Variants in ACOX3 observed in about 807,000 individuals in gnomAD.
ACOX3 encodes the protein peroxisomal acyl-coenzyme A oxidase 3.
A neutral mutation model predicts 81.5 loss-of-function variants in ACOX3; 73 were observed. That is an observed-to-expected ratio of 0.90 (90% confidence interval 0.74 to 1.09). ACOX3 has a LOEUF of 1.09. Ranked by LOEUF, ACOX3 falls within the 50% of genes least tolerant of loss-of-function variation. ACOX3 has a pLI of 0.00. For missense variants in ACOX3, 947 were observed against 928.0 expected (o/e 1.02, Z -0.27); for synonymous variants, 387 against 375.1 (o/e 1.03, Z -0.37).
Position 8,368,632 on chromosome 4 carries a change from C to T in ACOX3, c.1984-1552G>A, listed in dbSNP as rs1413117319. Among the ~76,000 whole-genome samples the T allele has an allele frequency of 6.6e-6, 1 of 152,144 alleles. No individual in the cohort carries two copies. The highest frequency in any genetic ancestry group is 1.5e-5 in the Non-Finnish European group (1 of 68,038). ...GCAGCGGGCTTGATTTAAGGATGGT[C>T]TCAACTCCCCTGCAGCTCTGTTTGT... On this transcript the variant is annotated intron_variant, in intron 17 of 17. Transcript: ENST00000356406. This position sits in a 1 kb window ranked among gnomAD's most constrained non-coding sequence, Gnocchi z 5.9.
At chr4:8,402,959 G>A (rs7672913) in intron 7 of ACOX3, among the ~76,000 whole-genome samples, 7,802 of 152,302 alleles carry the variant, frequency 0.051, 326 homozygotes, top group African/African-American at 0.11. Flanking sequence ...AGAGCAGGCC[G>A]TTGAGTTCGG....
rs571409972 is a variant in ACOX3 at position 8,435,600 on chromosome 4, G to A, written c.-15+5048C>T. 2.0e-3 allele frequency among the ~76,000 whole-genome samples: 303 copies of A among 152,352 alleles called. 2 individuals carry two copies. Among genetic ancestry groups the A allele is most frequent in the African/African-American group, 6.8e-3 (283 of 41,578 alleles). On this transcript the variant is annotated intron_variant, in intron 1 of 17. Coordinates refer to ENST00000356406, the MANE Select transcript of ACOX3 (RefSeq NM_003501.3). Reference sequence around the variant, plus strand: ...TGGCCATGTATTTAAGGTGGTGACAGGGGTTGGAGGACAGCCAGTGGACCT... The same window carrying A: ...TGGCCATGTATTTAAGGTGGTGACAAGGGTTGGAGGACAGCCAGTGGACCT...
At chr4:8,356,578 C>G in the ACOX3 span, 2 of 456,734 alleles carry the variant, frequency 4.4e-6, no homozygotes, top group Non-Finnish European at 8.8e-6. Context: ...CACACGTACA[C>G]AGAGGAAGAA....
In ACOX3 at chr4:8,382,281, T is replaced by C. The variant is rs760218635; in HGVS notation, c.1538-674A>G. ...ACCCCCCTTCGTCCTCCCCTTCCCC[T>C]GGCAGTGGTGCCCACATCTGCGGGG... On this transcript the variant is annotated intron_variant, in intron 13 of 17. Transcript: ENST00000356406. The surrounding 1 kb of genome is among the most constrained non-coding windows in gnomAD (Gnocchi z 4.1). Among the ~76,000 whole-genome samples the C allele has an allele frequency of 9.2e-5, 14 of 152,204 alleles. No homozygotes were observed. Among genetic ancestry groups the C allele is most frequent in the Non-Finnish European group, 2.1e-4 (14 of 68,012 alleles).
At chr4:8,426,674 C>T (rs561697179) in intron 1 of ACOX3, among the ~76,000 whole-genome samples, 183 of 152,118 alleles carry the variant, frequency 1.2e-3, no homozygotes, top group African/African-American at 4.0e-3. Context: ...CTAAAGGAAA[C>T]CCCACTTTCA....
rs935652419 is a variant in ACOX3 at position 8,420,283 on chromosome 4, G to A, written c.-14-3748C>T. Among the ~76,000 whole-genome samples, 6 of 152,230 alleles carry A rather than the reference G, an allele frequency of 3.9e-5. No individual in the cohort carries two copies. In the East Asian group the frequency reaches 5.8e-4, roughly 15 times the overall value. ...AGGATTGTGAAGCCAGACTGTCTGG[G>A]TTCAAATCTCAATGTTACAGCTTTC... On this transcript the variant is annotated intron_variant, in intron 1 of 17. Transcript: ENST00000356406.
the ACOX3 span, chr4:8,357,543 G>C: frequency 3.3e-6 from 1 of 298,810 alleles, no homozygotes; most frequent in Non-Finnish European, 6.6e-6. Context: ...ATCAGAAAAC[G>C]GTGGCAGCAA....
rs1413471872 is a variant in ACOX3 at position 8,407,518 on chromosome 4, G to C, written c.688-1475C>G. On this transcript the variant is annotated intron_variant, in intron 6 of 17. Coordinates refer to ENST00000356406, the MANE Select transcript of ACOX3 (RefSeq NM_003501.3). This position sits in a 1 kb window ranked among gnomAD's most constrained non-coding sequence, Gnocchi z 4.6. ...TCAATTTCAGACCCCGGCCTCCAGA[G>C]TTGGGAGAATACGTTATGCTGTTTC... is the stretch of plus-strand genomic sequence containing the variant. Among the ~76,000 whole-genome samples the C allele has an allele frequency of 6.6e-6, 1 of 152,226 alleles. No individual in the cohort carries two copies. The highest frequency in any genetic ancestry group is 2.4e-5 in the African/African-American group (1 of 41,456).
At chr4:8,411,670 C>T (rs990990228) in intron 5 of ACOX3, among the ~76,000 whole-genome samples, 1 of 152,258 alleles carries the variant, frequency 6.6e-6, no homozygotes, top group African/African-American at 2.4e-5. Flanking sequence ...TTCCCACTGT[C>T]TCGACTGTCT....
chr4:8,427,145 T>G (rs1016582144), intron 1 of ACOX3, among the ~76,000 whole-genome samples: 1 of 152,002 alleles, frequency 6.6e-6, no homozygotes, highest in African/African-American at 2.4e-5. Flanking sequence ...ACCAATCAGG[T>G]AGTAAAGAGA....
downstream of ACOX3, among the ~76,000 whole-genome samples, chr4:8,361,425 C>CAAAAAAAAAAA (rs56251372): frequency 6.9e-3 from 270 of 39,038 alleles, 52 homozygotes; most frequent in African/African-American, 0.029. Flanking sequence ...GACTCTATCT[C>CAAAAAAAAAAA]AAAAAAAAAA....
Position 8,414,761 on chromosome 4 carries a change from G to C in ACOX3, c.453+93C>G. On this transcript the variant is annotated intron_variant, in intron 4 of 17. Transcript: ENST00000356406. This position sits in a 1 kb window ranked among gnomAD's most constrained non-coding sequence, Gnocchi z 6.1. ...AAACAAGAAGAGCATAAGCCCCCTGGGCACCCCCTTCTACAATCTTCTCTT... is the reference window on the plus strand; with the variant it reads ...AAACAAGAAGAGCATAAGCCCCCTGCGCACCCCCTTCTACAATCTTCTCTT... The C allele has an allele frequency of 7.8e-7, 1 of 1,289,136 alleles. No individual in the cohort carries two copies. The highest frequency in any genetic ancestry group is 1.1e-6 in the Non-Finnish European group (1 of 888,362). The allele number at this position is 1,289,136 out of a possible 1,614,324, so 79.9% of individuals were successfully genotyped here. A position where few individuals can be genotyped will look rare whatever the true frequency, so the allele number is the denominator to read the frequency against.
At chr4:8,374,925 C>A in intron 15 of ACOX3, 53 bp downstream of exon 15, 1 of 1,451,798 alleles carries the variant, frequency 6.9e-7, no homozygotes, top group East Asian at 2.5e-5. Flanking sequence ...CTAGATACAA[C>A]ACGGGGGCCC....
chr4:8,419,445 GA>G lies in ACOX3; in HGVS notation c.-14-2911del, dbSNP rs1722697873. Among the ~76,000 whole-genome samples, 2 of 149,334 alleles carry G rather than the reference GA, an allele frequency of 1.3e-5. No homozygotes were observed. The highest frequency in any genetic ancestry group is 3.0e-5 in the Non-Finnish European group (2 of 67,508). On this transcript the variant is annotated intron_variant, in intron 1 of 17. Transcript: ENST00000356406. The surrounding 1 kb of genome is among the most constrained non-coding windows in gnomAD (Gnocchi z 4.2). ...TGAAACTCTGTCTCAAAAAAAAAAAGAAAAAAAGAAAAAAGAAACAGAAAAA... is the reference window on the plus strand; with the variant it reads ...TGAAACTCTGTCTCAAAAAAAAAAAGAAAAAAGAAAAAAGAAACAGAAAAA...
At chr4:8,434,199 C>T (rs971293200) in intron 1 of ACOX3, among the ~76,000 whole-genome samples, 1 of 152,202 alleles carries the variant, frequency 6.6e-6, no homozygotes, top group East Asian at 1.9e-4. Context: ...CACACTTGCT[C>T]GATTTATCAC....
chr4:8,415,245 G>C (rs973648737), intron 3 of ACOX3, among the ~76,000 whole-genome samples: 14 of 152,116 alleles, frequency 9.2e-5, no homozygotes, highest in African/African-American at 3.1e-4. Flanking sequence ...GGAGTCCTGG[G>C]GGTCTGAGGA....
In ACOX3 at chr4:8,405,488, A is replaced by G. The variant is rs1720834281; in HGVS notation, c.776+467T>C. On this transcript the variant is annotated intron_variant, in intron 7 of 17. Coordinates refer to ENST00000356406, the MANE Select transcript of ACOX3 (RefSeq NM_003501.3). This position sits in a 1 kb window ranked among gnomAD's most constrained non-coding sequence, Gnocchi z 7.1. Reference sequence around the variant, plus strand: ...GCTGATTAAACAAATAAGCCAGCGGAATTCTCTTTCTAAGTGCTGTGACAC... The same window carrying G: ...GCTGATTAAACAAATAAGCCAGCGGGATTCTCTTTCTAAGTGCTGTGACAC... Among the ~76,000 whole-genome samples, 1 of 152,214 alleles carries G rather than the reference A, an allele frequency of 6.6e-6. No homozygotes were observed. Among genetic ancestry groups the G allele is most frequent in the Admixed American group, 6.5e-5 (1 of 15,284 alleles).
chr4:8,367,806 CAAAAAAAAAAAAAAAAA>C (rs535574857), intron 17 of ACOX3, among the ~76,000 whole-genome samples: 5 of 46,704 alleles, frequency 1.1e-4, no homozygotes, highest in Admixed American at 3.8e-4. Context: ...CCCATCTTTA[CAAAAAAAAAAAAAAAAA>C]AAAAAAAAAA....
intron 14 of ACOX3, among the ~76,000 whole-genome samples, chr4:8,378,095 A>C (rs539922423): frequency 1.3e-5 from 2 of 152,340 alleles, no homozygotes; most frequent in South Asian, 4.1e-4. Flanking sequence ...GCTGTCCGTA[A>C]ACCTTCAGCA....
Sources: gnomAD v4.1 joint callset for allele counts (sites outside exome capture counted in the v4.1 genomes callset) on GRCh38, gnomAD v4.1.1 for gene constraint, Gnocchi (gnomAD v3.1) non-coding constraint, MANE v1.5 for transcripts, NCBI Gene and HGNC (gene_info 2026-07-23, HGNC 2026-07-21) for gene names.